The following NIPA1 variants were observed in gnomAD, a reference collection of about 807,000 sequenced individuals.
NIPA1 encodes the protein NIPA magnesium transporter 1.
In NIPA1, 13 loss-of-function variants were observed where a neutral mutation model predicts 23.9. The observed-to-expected ratio is 0.54, with a 90% CI of 0.35 to 0.87. The LOEUF (loss-of-function observed/expected upper bound fraction) is 0.87. Ranked by LOEUF, NIPA1 falls within the 40% of genes least tolerant of loss-of-function variation. The pLI, the probability that NIPA1 is intolerant of heterozygous loss-of-function variation, is 0.01. For synonymous variants in NIPA1, 234 were observed against 202.9 expected (o/e 1.15, Z -1.30); for missense variants, 362 against 429.7 (o/e 0.84, Z 1.39).
chr15:22,803,373 A>T (rs1415253548), intron 1 of NIPA1, among the ~76,000 whole-genome samples: 1 of 151,966 alleles, frequency 6.6e-6, no homozygotes, highest in Non-Finnish European at 1.5e-5. Flanking sequence ...ATGTATATAT[A>T]TACTCACACA....
At chr15:22,809,871 C>A (rs755697347) in intron 1 of NIPA1, among the ~76,000 whole-genome samples, 5 of 151,960 alleles carry the variant, frequency 3.3e-5, no homozygotes, top group African/African-American at 4.8e-5. Context: ...GAAACCTCGT[C>A]TCTACTAAAA....
Position 22,786,687 on chromosome 15 carries a change from G to GCGGCGT in NIPA1, c.36_37insTCGGCG (p.Ala12_Ala13insSerAla). 1 of 1,105,746 alleles carries GCGGCGT rather than the reference G, an allele frequency of 9.0e-7. No homozygotes were observed. The highest frequency in any genetic ancestry group is 1.1e-6 in the Non-Finnish European group (1 of 909,330). The allele number at this position is 1,105,746 out of a possible 1,614,324, so 68.5% of individuals were successfully genotyped here. A position where few individuals can be genotyped will look rare whatever the true frequency, so the allele number is the denominator to read the frequency against. ...GACTGCAGCTGCGGCAGCGGCGGCG[G>GCGGCGT]CGGCGGCGGCGGCGGCCGGGGAGGG... On this transcript the variant is annotated inframe_insertion, in exon 1 of 5. Coordinates refer to ENST00000337435, the MANE Select transcript of NIPA1 (RefSeq NM_144599.5).
chr15:22,790,251 ATGG>A (rs1894800124), intron 1 of NIPA1, among the ~76,000 whole-genome samples: 1 of 152,092 alleles, frequency 6.6e-6, no homozygotes, highest in Admixed American at 6.6e-5. Context: ...TGTGTTACTC[ATGG>A]TGGTAGAAGA....
intron 4 of NIPA1, among the ~76,000 whole-genome samples, chr15:22,821,220 C>A (rs1895532829): frequency 6.6e-6 from 1 of 151,904 alleles, no homozygotes; most frequent in Non-Finnish European, 1.5e-5. Context: ...CCACCTCGCC[C>A]TTCCAAAGTG....
chr15:22,824,243 G>A lies in NIPA1; in HGVS notation c.*4G>A, dbSNP rs748800105. The A allele has an allele frequency of 8.7e-6, 14 of 1,611,686 alleles. No individual in the cohort carries two copies. In the Middle Eastern group the frequency reaches 1.2e-3, roughly 133 times the overall value. On this transcript the variant is annotated 3_prime_UTR_variant, in exon 5 of 5. Transcript: ENST00000337435. The surrounding 1 kb of genome is among the most constrained non-coding windows in gnomAD (Gnocchi z 4.1). The stretch of plus-strand genomic sequence containing the variant: ...ATCTAATATGAAAACAGACTAGATT[G>A]CAATAGGAGCTTGGATGGTTCGAGG...
At chr15:22,816,404 G>A (rs1300796359) in intron 3 of NIPA1, among the ~76,000 whole-genome samples, 1 of 148,290 alleles carries the variant, frequency 6.7e-6, no homozygotes, top group East Asian at 2.0e-4. Flanking sequence ...AGCCAGGATG[G>A]TCTTGATTTC....
chr15:22,805,287 T>C (rs1438899924), intron 1 of NIPA1, among the ~76,000 whole-genome samples: 1 of 152,212 alleles, frequency 6.6e-6, no homozygotes, highest in African/African-American at 2.4e-5. Context: ...ATGAGTTAAG[T>C]TGGTGCACAG....
chr15:22,789,913 G>A (rs981545523), intron 1 of NIPA1, among the ~76,000 whole-genome samples: 14 of 152,064 alleles, frequency 9.2e-5, no homozygotes, highest in Admixed American at 3.3e-4. Context: ...TCCTGTCTTA[G>A]GCTCCTGAGT....
chr15:22,822,015 A>T (rs1895549914), intron 4 of NIPA1, among the ~76,000 whole-genome samples: 1 of 152,118 alleles, frequency 6.6e-6, no homozygotes, highest in African/African-American at 2.4e-5. Flanking sequence ...CCGACCCCAC[A>T]CCTTGTGAGG....
In NIPA1 at chr15:22,824,349, G is replaced by T. The variant is rs1166564392; in HGVS notation, c.*110G>T. The T allele has an allele frequency of 1.0e-6, 1 of 988,828 alleles. No individual in the cohort carries two copies. The highest frequency in any genetic ancestry group is 1.6e-5 in the African/African-American group (1 of 63,290). 61.3% of individuals were successfully genotyped at this position (988,828 alleles called of 1,614,324 possible). On this transcript the variant is annotated 3_prime_UTR_variant, in exon 5 of 5. Transcript: ENST00000337435. This position sits in a 1 kb window ranked among gnomAD's most constrained non-coding sequence, Gnocchi z 4.1. ...TCGATCATGGTGTTAGAATTGACTG[G>T]ATAGTAACAGGTGGTCTGGTGGATA... is the stretch of plus-strand genomic sequence containing the variant.
intron 2 of NIPA1, 90 bp from the exon 3 acceptor site, chr15:22,812,073 T>C (rs1369270117): frequency 1.0e-6 from 1 of 995,128 alleles, no homozygotes; most frequent in African/African-American, 1.6e-5. Context: ...AGTAGCCCTT[T>C]CAGGGCAGAG....
chr15:22,804,497 G>C (rs1468721563), intron 1 of NIPA1, among the ~76,000 whole-genome samples: 1 of 152,102 alleles, frequency 6.6e-6, no homozygotes, highest in Non-Finnish European at 1.5e-5. Context: ...TATCTGGTCG[G>C]TGCTTTTGAT....
At chr15:22,823,305 C>A (rs60104678) in intron 4 of NIPA1, among the ~76,000 whole-genome samples, 17 of 151,582 alleles carry the variant, frequency 1.1e-4, no homozygotes, top group South Asian at 8.3e-4. Flanking sequence ...ACCTCCACCC[C>A]CTAGGTTCAA....
chr15:22,821,582 C>T (rs1274618044), intron 4 of NIPA1, among the ~76,000 whole-genome samples: 1 of 151,806 alleles, frequency 6.6e-6, no homozygotes. Context: ...TTCTTGTCCA[C>T]ACTCACTGGT....
intron 3 of NIPA1, among the ~76,000 whole-genome samples, chr15:22,817,186 CAAAAA>C (rs894814701): frequency 3.3e-5 from 2 of 61,082 alleles, no homozygotes. Flanking sequence ...GACTCTGTCT[CAAAAA>C]AAAAAAAAAA....
intron 4 of NIPA1, 91 bp downstream of exon 4, chr15:22,820,564 G>C: frequency 1.1e-6 from 1 of 948,724 alleles, no homozygotes. Context: ...CTTCCTGGCA[G>C]GGCAGAGGAA....
At position 22,823,948 on chromosome 15, in the gene NIPA1, C is replaced by T; in HGVS notation, c.699C>T (p.Leu233=). 6.2e-7 allele frequency: 1 copy of T among 1,614,184 alleles called. No homozygotes were observed. Among genetic ancestry groups the T allele is most frequent in the Non-Finnish European group, 8.5e-7 (1 of 1,180,020 alleles). ...GAGCCCTCTGCCTGTGCCTGGTACT[C>T]CTGGCCGTGCTCGGCTGCAGCATCA... ...SQRALCLCLV[L]LAVLGCSIIV... The change falls in exon 5 of 5, where the codon CTC becomes CTT. Residue 233 remains leucine (L), a synonymous_variant. Transcript: ENST00000337435.
In NIPA1 at chr15:22,791,556, T is replaced by C. The variant is rs549041726; in HGVS notation, c.178+4722T>C. Among the ~76,000 whole-genome samples the C allele has an allele frequency of 7.3e-5, 10 of 137,368 alleles. No homozygotes were observed. The East Asian group carries it at 2.5e-3, about 34-fold the overall frequency. 90.1% of individuals were successfully genotyped at this position (137,368 alleles called of 152,430 possible). ...TGGAGTGCAGTGGTGCCATCTCGGC[T>C]CACTGTAATCTCTGCTTCCCAGGTT... On this transcript the variant is annotated intron_variant, in intron 1 of 4. Coordinates refer to ENST00000337435, the MANE Select transcript of NIPA1 (RefSeq NM_144599.5).
intron 1 of NIPA1, among the ~76,000 whole-genome samples, chr15:22,797,575 G>C (rs182742643): frequency 7.7e-6 from 1 of 130,128 alleles, no homozygotes; most frequent in African/African-American, 3.1e-5. Context: ...GTGCAATCTC[G>C]GCACACTGCA....
Sources: allele counts gnomAD v4.1 joint callset (sites outside exome capture counted in the v4.1 genomes callset), GRCh38; gene constraint gnomAD v4.1.1; non-coding constraint Gnocchi (gnomAD v3.1); transcripts MANE v1.5; gene names NCBI Gene and HGNC (gene_info 2026-07-23, HGNC 2026-07-21).